The following PLPPR1 variants were observed in gnomAD, a reference collection of about 807,000 sequenced individuals.
The protein encoded by PLPPR1 is phospholipid phosphatase related 1.
PLPPR1 carries 10 observed loss-of-function variants against 33.1 expected under a neutral mutation model. The ratio of observed to expected loss-of-function variants is 0.30; its 90% CI spans 0.19 to 0.51. The LOEUF (loss-of-function observed/expected upper bound fraction) is 0.51, where lower values mean the gene tolerates loss of function less well. Among genes scored for constraint, PLPPR1 ranks in the 20% least tolerant of loss-of-function variants. The pLI, the probability that PLPPR1 is intolerant of heterozygous loss-of-function variation, is 0.97. For missense variants in PLPPR1, 304 were observed against 408.1 expected, an observed-to-expected ratio of 0.74 and a Z score of 2.20; for synonymous variants, 151 against 151.0, an observed-to-expected ratio of 1.00 and a Z score of 0.00.
At chr9:101,137,030 G>A (rs1831385706) in intron 1 of PLPPR1, among the ~76,000 whole-genome samples, 1 of 152,146 alleles carries the variant, frequency 6.6e-6, no homozygotes, top group South Asian at 2.1e-4. Context: ...TGCTTGAGGT[G>A]ATGGATACCC....
chr9:101,066,952 G>C (rs1401579058), intron 1 of PLPPR1, among the ~76,000 whole-genome samples: 1 of 152,018 alleles, frequency 6.6e-6, no homozygotes, highest in South Asian at 2.1e-4. Context: ...CTCTGAGCTA[G>C]ACATTTTAGT....
chr9:101,185,308 T>A, intron 1 of PLPPR1, 142 bp from the exon 2 acceptor site: 1 of 461,830 alleles, frequency 2.2e-6, no homozygotes, highest in South Asian at 5.2e-5. Context: ...CTGACTTGAC[T>A]GTGTTGTAGA....
intron 1 of PLPPR1, among the ~76,000 whole-genome samples, chr9:101,148,129 G>A (rs758506500): frequency 4.6e-5 from 7 of 152,082 alleles, no homozygotes; most frequent in Non-Finnish European, 7.4e-5. Flanking sequence ...CTGTGAGGTG[G>A]GTAAATGAGT....
intron 1 of PLPPR1, chr9:101,185,186 G>A (rs1209320645): frequency 3.3e-6 from 1 of 303,818 alleles, no homozygotes; most frequent in East Asian, 5.7e-5. Flanking sequence ...TAGGCAATTA[G>A]AATTCTATTC....
At chr9:101,284,370 T>C (rs1177393167) in intron 3 of PLPPR1, among the ~76,000 whole-genome samples, 1 of 152,170 alleles carries the variant, frequency 6.6e-6, no homozygotes, top group African/African-American at 2.4e-5. Context: ...AAATACTGCA[T>C]GATCTCACTT....
chr9:101,149,072 CCA>C (rs1831553115), intron 1 of PLPPR1, among the ~76,000 whole-genome samples: 1 of 152,116 alleles, frequency 6.6e-6, no homozygotes, highest in Non-Finnish European at 1.5e-5. Flanking sequence ...GTAATAAGCA[CCA>C]GTGTTATGTA....
At chr9:101,086,553 T>C (rs1160211479) in intron 1 of PLPPR1, among the ~76,000 whole-genome samples, 2 of 152,178 alleles carry the variant, frequency 1.3e-5, no homozygotes, top group African/African-American at 4.8e-5. Flanking sequence ...TCTTCAGTAA[T>C]CTTCCCCTGA....
At chr9:101,164,215 T>C (rs377519661) in intron 1 of PLPPR1, among the ~76,000 whole-genome samples, 7 of 152,340 alleles carry the variant, frequency 4.6e-5, no homozygotes, top group African/African-American at 1.4e-4. Context: ...CTAATACTTA[T>C]CAGCTGTGTG....
intron 2 of PLPPR1, among the ~76,000 whole-genome samples, chr9:101,225,544 CA>C (rs1298450684): frequency 6.6e-6 from 1 of 152,116 alleles, no homozygotes; most frequent in African/African-American, 2.4e-5. Context: ...AACCCAATTG[CA>C]AAAACTTCCT....
chr9:101,050,706 ATTGATACAAAACAT>A (rs1830212006), intron 1 of PLPPR1, among the ~76,000 whole-genome samples: 1 of 152,198 alleles, frequency 6.6e-6, no homozygotes, highest in Admixed American at 6.5e-5. Flanking sequence ...GTAGTGCCAA[ATTGATACAAAACAT>A]TTATAATAGT....
At chr9:101,151,657 A>G (rs1010907258) in intron 1 of PLPPR1, among the ~76,000 whole-genome samples, 4 of 152,188 alleles carry the variant, frequency 2.6e-5, no homozygotes, top group Non-Finnish European at 5.9e-5. Context: ...CCATTGGTTT[A>G]CAAAGGGATG....
chr9:101,185,624 T>G, intron 2 of PLPPR1, 67 bp downstream of exon 2: 1 of 934,952 alleles, frequency 1.1e-6, no homozygotes, highest in East Asian at 2.7e-5. Context: ...TCTGATAACT[T>G]AGATTATTTT....
intron 1 of PLPPR1, among the ~76,000 whole-genome samples, chr9:101,166,671 A>G (rs1290297815): frequency 6.6e-6 from 1 of 152,224 alleles, no homozygotes; most frequent in Non-Finnish European, 1.5e-5. Context: ...ATAGTGTTAA[A>G]TGTAAATCTT....
intron 2 of PLPPR1, among the ~76,000 whole-genome samples, chr9:101,219,058 G>T (rs1489574856): frequency 6.6e-6 from 1 of 152,146 alleles, no homozygotes; most frequent in East Asian, 1.9e-4. Flanking sequence ...TTTTAAACCG[G>T]CCATGTCATG....
chr9:101,254,045 A>T (rs1827756886), intron 2 of PLPPR1, among the ~76,000 whole-genome samples: 1 of 152,112 alleles, frequency 6.6e-6, no homozygotes, highest in Admixed American at 6.6e-5. Flanking sequence ...CTAGACCAGC[A>T]GTCCCCAACA....
At chr9:101,077,994 G>A (rs545608873) in intron 1 of PLPPR1, among the ~76,000 whole-genome samples, 82 of 150,094 alleles carry the variant, frequency 5.5e-4, no homozygotes, top group Middle Eastern at 6.8e-3. Context: ...CCTTTGATGA[G>A]CTAATGGCCG....
intron 1 of PLPPR1, among the ~76,000 whole-genome samples, chr9:101,107,994 G>C (rs4743442): frequency 6.7e-6 from 1 of 148,452 alleles, no homozygotes; most frequent in Non-Finnish European, 1.5e-5. Flanking sequence ...GCAATGCCTC[G>C]CCCTGCTTCG....
At chr9:101,250,929 G>A (rs756842226) in intron 2 of PLPPR1, among the ~76,000 whole-genome samples, 2 of 151,892 alleles carry the variant, frequency 1.3e-5, no homozygotes, top group Non-Finnish European at 2.9e-5. Context: ...TTCTCTGCAG[G>A]TCTATTCTTG....
intron 1 of PLPPR1, among the ~76,000 whole-genome samples, chr9:101,074,163 A>G (rs1199456773): frequency 3.9e-5 from 6 of 152,136 alleles, no homozygotes; most frequent in South Asian, 4.1e-4. Context: ...CATGGCATCC[A>G]GTGTCTTTGT....
Sources: allele counts gnomAD v4.1 joint callset (sites outside exome capture counted in the v4.1 genomes callset), GRCh38; gene constraint gnomAD v4.1.1; transcripts MANE v1.5; gene names NCBI Gene and HGNC (gene_info 2026-07-23, HGNC 2026-07-21).